CADM2: variants seen among roughly 807,000 people sequenced by gnomAD.
CADM2 encodes cell adhesion molecule 2, also known as immunoglobulin superfamily member 4D.
CADM2 carries 12 observed loss-of-function variants against 49.8 expected under a neutral mutation model. That is an observed-to-expected ratio of 0.24 (90% CI 0.15 to 0.39). The LOEUF (loss-of-function observed/expected upper bound fraction) is 0.39. Among genes scored for constraint, CADM2 ranks in the 10% least tolerant of loss-of-function variants. The pLI is 1.00. For synonymous variants in CADM2, 214 were observed against 175.4 expected (o/e 1.22, Z -1.74); for missense variants, 378 against 492.3 (o/e 0.77, Z 2.20).
chr3:85,748,310 C>T (rs1298449544), intron 2 of CADM2, among the ~76,000 whole-genome samples: 3 of 151,718 alleles, frequency 2.0e-5, no homozygotes, highest in Non-Finnish European at 2.9e-5. Context: ...TTATAATCAA[C>T]TTTATCTTAT....
At chr3:85,424,726 C>A (rs2107505954) in intron 1 of CADM2, among the ~76,000 whole-genome samples, 1 of 152,162 alleles carries the variant, frequency 6.6e-6, no homozygotes, top group Admixed American at 6.5e-5. Flanking sequence ...TTTTTCTACG[C>A]CTACTTAAAA....
intron 5 of CADM2, among the ~76,000 whole-genome samples, chr3:85,895,956 T>C (rs1429463451): frequency 6.6e-6 from 1 of 152,118 alleles, no homozygotes; most frequent in Non-Finnish European, 1.5e-5. Flanking sequence ...GTGTCTTTAT[T>C]AGTAGTGTGA....
chr3:85,028,334 C>T (rs186323501), intron 1 of CADM2, among the ~76,000 whole-genome samples: 54 of 152,280 alleles, frequency 3.5e-4, no homozygotes, highest in Admixed American at 3.2e-3. Flanking sequence ...AACTGCTTTT[C>T]TCAACATGTG....
At chr3:85,359,637 C>CATAT (rs1191509964) in intron 1 of CADM2, among the ~76,000 whole-genome samples, 5 of 34,266 alleles carry the variant, frequency 1.5e-4, no homozygotes, top group South Asian at 1.1e-3. Flanking sequence ...CCAATGTCAG[C>CATAT]ATATATATAT....
At chr3:85,064,506 G>A (rs2036452423) in intron 1 of CADM2, among the ~76,000 whole-genome samples, 3 of 152,032 alleles carry the variant, frequency 2.0e-5, no homozygotes, top group African/African-American at 4.8e-5. Context: ...ACTTTCGGAT[G>A]TTTTACCCTG....
chr3:85,160,380 A>T (rs1447958497), intron 1 of CADM2, among the ~76,000 whole-genome samples: 1 of 152,134 alleles, frequency 6.6e-6, no homozygotes, highest in African/African-American at 2.4e-5. Flanking sequence ...ATTTCTTAAA[A>T]GAAACCAGTT....
chr3:85,485,766 G>A (rs551172473), intron 1 of CADM2, among the ~76,000 whole-genome samples: 3 of 152,124 alleles, frequency 2.0e-5, no homozygotes, highest in Non-Finnish European at 4.4e-5. Flanking sequence ...GTCATTATAA[G>A]AGGAAGAAAT....
At chr3:85,028,883 C>T (rs2034850926) in intron 1 of CADM2, among the ~76,000 whole-genome samples, 1 of 151,596 alleles carries the variant, frequency 6.6e-6, no homozygotes, top group Non-Finnish European at 1.5e-5. Flanking sequence ...AATTATTATC[C>T]AAATCCCTAG....
At chr3:85,014,914 G>A (rs1389164198) in intron 1 of CADM2, among the ~76,000 whole-genome samples, 1 of 152,122 alleles carries the variant, frequency 6.6e-6, no homozygotes, top group Non-Finnish European at 1.5e-5. Flanking sequence ...ACATTTTGGT[G>A]CCTGCCTATA....
chr3:85,371,715 T>A (rs924417414), intron 1 of CADM2, among the ~76,000 whole-genome samples: 1 of 94,006 alleles, frequency 1.1e-5, no homozygotes, highest in Non-Finnish European at 2.1e-5. Context: ...ATATATATAT[T>A]CACTTACAAG....
At chr3:84,969,597 T>C (rs531298720) in intron 1 of CADM2, among the ~76,000 whole-genome samples, 157 of 152,018 alleles carry the variant, frequency 1.0e-3, no homozygotes, top group Non-Finnish European at 1.9e-3. Context: ...ATCTAGATAA[T>C]ATTTAAGTAT....
chr3:85,797,142 C>T (rs2071678273), intron 2 of CADM2, among the ~76,000 whole-genome samples: 1 of 150,620 alleles, frequency 6.6e-6, no homozygotes, highest in Non-Finnish European at 1.5e-5. Flanking sequence ...CTGTCCAAAG[C>T]AGAAGTGCCC....
intron 1 of CADM2, among the ~76,000 whole-genome samples, chr3:85,237,330 T>A (rs2042430372): frequency 6.6e-6 from 1 of 151,892 alleles, no homozygotes; most frequent in Admixed American, 6.6e-5. Flanking sequence ...GATAATATGC[T>A]GTTTCAGTAT....
At chr3:85,457,212 G>A (rs1475647745) in intron 1 of CADM2, among the ~76,000 whole-genome samples, 1 of 151,936 alleles carries the variant, frequency 6.6e-6, no homozygotes, top group Non-Finnish European at 1.5e-5. Context: ...CAGGAGGTTG[G>A]TACCAGTCTG....
intron 1 of CADM2, among the ~76,000 whole-genome samples, chr3:85,300,634 A>G (rs963632767): frequency 6.6e-6 from 1 of 152,130 alleles, no homozygotes; most frequent in Admixed American, 6.6e-5. Context: ...TCAAGTTGCT[A>G]TGTGCTATGG....
At chr3:85,528,937 G>A (rs1396391375) in intron 1 of CADM2, among the ~76,000 whole-genome samples, 1 of 152,112 alleles carries the variant, frequency 6.6e-6, no homozygotes, top group Admixed American at 6.5e-5. Flanking sequence ...GATAGAAAGA[G>A]GACTGAACCT....
At chr3:85,154,111 G>C (rs1166794449) in intron 1 of CADM2, among the ~76,000 whole-genome samples, 7 of 152,224 alleles carry the variant, frequency 4.6e-5, no homozygotes, top group Non-Finnish European at 8.8e-5. Context: ...TGAGCTGAGA[G>C]AAGAAGGCTT....
At chr3:85,073,612 C>T (rs865909742) in intron 1 of CADM2, among the ~76,000 whole-genome samples, 1 of 152,014 alleles carries the variant, frequency 6.6e-6, no homozygotes, top group East Asian at 1.9e-4. Context: ...ATGAAAGACA[C>T]CTGTGGTGGT....
chr3:85,487,214 C>T (rs2039454031), intron 1 of CADM2, among the ~76,000 whole-genome samples: 1 of 152,122 alleles, frequency 6.6e-6, no homozygotes, highest in Non-Finnish European at 1.5e-5. Context: ...AGTCTTTTTC[C>T]CCTTCTATCA....
Sources: allele counts gnomAD v4.1 joint callset (sites outside exome capture counted in the v4.1 genomes callset), GRCh38; gene constraint gnomAD v4.1.1; transcripts MANE v1.5; gene names NCBI Gene and HGNC (gene_info 2026-07-23, HGNC 2026-07-21).